Variants in RHEB observed in about 807,000 individuals in gnomAD.
The protein encoded by RHEB is Ras homolog, mTORC1 binding, also known as GTP-binding protein Rheb.
A neutral mutation model predicts 28.8 loss-of-function variants in RHEB; 2 were observed. That is an observed-to-expected ratio of 0.07 (90% CI 0.03 to 0.22). The LOEUF is 0.22. Ranked by LOEUF, RHEB falls within the 10% of genes least tolerant of loss-of-function variation. RHEB has a pLI of 1.00. For missense variants in RHEB, 76 were observed against 219.9 expected (o/e 0.35, Z 4.14); for synonymous variants, 69 against 77.3 (o/e 0.89, Z 0.56).
chr7:151,474,321 C>T (rs557140287), intron 4 of RHEB, among the ~76,000 whole-genome samples: 4 of 152,200 alleles, frequency 2.6e-5, no homozygotes, highest in Admixed American at 6.5e-5. Flanking sequence ...GCTGGGATTA[C>T]AGGCACCCGC....
chr7:151,487,682 T>G (rs1802504854), intron 2 of RHEB, among the ~76,000 whole-genome samples: 1 of 152,132 alleles, frequency 6.6e-6, no homozygotes, highest in Non-Finnish European at 1.5e-5. Flanking sequence ...TAATAAGAGA[T>G]AGGATAGACT....
intron 3 of RHEB, among the ~76,000 whole-genome samples, chr7:151,484,284 T>C (rs1033961842): frequency 6.6e-6 from 1 of 152,220 alleles, no homozygotes; most frequent in African/African-American, 2.4e-5. Context: ...GACTCTCTAA[T>C]ATAGAATTAA....
chr7:151,485,494 A>G (rs1342596499), intron 2 of RHEB, among the ~76,000 whole-genome samples: 5 of 152,220 alleles, frequency 3.3e-5, no homozygotes, highest in African/African-American at 9.6e-5. Context: ...GAAACAATGT[A>G]AAAATAACCA....
At chr7:151,516,609 T>G (rs1459727284) in intron 1 of RHEB, among the ~76,000 whole-genome samples, 2 of 106,610 alleles carry the variant, frequency 1.9e-5, no homozygotes, top group Non-Finnish European at 1.7e-5. Flanking sequence ...GGTGATAGAG[T>G]GAGACTCTGT....
chr7:151,482,889 G>A (rs1378704304), intron 3 of RHEB, among the ~76,000 whole-genome samples: 1 of 152,038 alleles, frequency 6.6e-6, no homozygotes, highest in African/African-American at 2.4e-5. Context: ...AATGAGCCTC[G>A]TCATCTGTGC....
chr7:151,467,060 G>A lies in RHEB; in HGVS notation c.*59C>T, dbSNP rs1802076255. On this transcript the variant is annotated 3_prime_UTR_variant, in exon 8 of 8. Transcript: ENST00000262187. ...AGCATAGTTTATCTTCAAGGAGAACGGGCAGTTTGCTTCTTCAGGTAGAAT... is the reference window on the plus strand; with the variant it reads ...AGCATAGTTTATCTTCAAGGAGAACAGGCAGTTTGCTTCTTCAGGTAGAAT... The A allele has an allele frequency of 8.3e-6, 10 of 1,208,306 alleles. No homozygotes were observed. The East Asian group carries it at 9.3e-5, about 11-fold the overall frequency. The allele number at this position is 1,208,306 out of a possible 1,614,324, so 74.8% of individuals were successfully genotyped here.
intron 1 of RHEB, among the ~76,000 whole-genome samples, chr7:151,501,486 C>T (rs1233515250): frequency 6.6e-6 from 1 of 152,172 alleles, no homozygotes; most frequent in Non-Finnish European, 1.5e-5. Context: ...TATACACTCA[C>T]CCATTGCCTG....
chr7:151,482,167 T>C (rs1445008612), intron 3 of RHEB, among the ~76,000 whole-genome samples: 2 of 152,236 alleles, frequency 1.3e-5, no homozygotes, highest in Admixed American at 6.5e-5. Flanking sequence ...ACAGCCTCTT[T>C]AACCCCAATG....
chr7:151,518,592 T>C (rs915061569), intron 1 of RHEB, among the ~76,000 whole-genome samples: 3 of 152,100 alleles, frequency 2.0e-5, no homozygotes, highest in Admixed American at 6.5e-5. Flanking sequence ...AGAAAACCGC[T>C]CGTTCTGTAA....
chr7:151,486,193 G>C (rs1288395912), intron 2 of RHEB, among the ~76,000 whole-genome samples: 1 of 152,188 alleles, frequency 6.6e-6, no homozygotes, highest in East Asian at 1.9e-4. Context: ...TTTCAGATTT[G>C]ATGAGAAGTA....
chr7:151,490,177 C>A (rs1364081825), intron 2 of RHEB, among the ~76,000 whole-genome samples: 4 of 152,150 alleles, frequency 2.6e-5, no homozygotes, highest in Non-Finnish European at 4.4e-5. Context: ...GTGTTGTATG[C>A]CTGTAGTTCC....
intron 4 of RHEB, among the ~76,000 whole-genome samples, chr7:151,475,762 T>C (rs1802260314): frequency 6.6e-6 from 1 of 152,320 alleles, no homozygotes; most frequent in African/African-American, 2.4e-5. Context: ...CCATCTATCA[T>C]TGAACATGAA....
intron 1 of RHEB, among the ~76,000 whole-genome samples, chr7:151,508,640 T>TC (rs1018706867): frequency 2.2e-4 from 33 of 151,900 alleles, no homozygotes; most frequent in South Asian, 1.5e-3. Context: ...TTTAGTTTTT[T>TC]TTTTTTTTTG....
chr7:151,516,591 C>T (rs920021061), intron 1 of RHEB, among the ~76,000 whole-genome samples: 1 of 145,184 alleles, frequency 6.9e-6, no homozygotes, highest in Non-Finnish European at 1.5e-5. Flanking sequence ...CCACTGCACT[C>T]CAGCCTGGGT....
chr7:151,483,436 G>A (rs185659381), intron 3 of RHEB, among the ~76,000 whole-genome samples: 57 of 152,026 alleles, frequency 3.7e-4, no homozygotes, highest in Middle Eastern at 3.4e-3. Context: ...TTGCAAGGGC[G>A]GGCCAGGCAT....
intron 3 of RHEB, among the ~76,000 whole-genome samples, chr7:151,481,549 C>A (rs1375609712): frequency 6.6e-6 from 1 of 152,200 alleles, no homozygotes; most frequent in African/African-American, 2.4e-5. Context: ...CAGTAAACAC[C>A]TGAGTTTGTT....
In RHEB at chr7:151,518,525, A is replaced by T. The variant is rs150360531; in HGVS notation, c.52+935T>A. Among the ~76,000 whole-genome samples, 60 of 152,244 alleles carry T rather than the reference A, an allele frequency of 3.9e-4. No individual in the cohort carries two copies. The East Asian group carries it at 0.011, about 27-fold the overall frequency. Reference sequence around the variant, plus strand: ...TCCAGGCTTCCGGATGTCGGGAGACAATACAGCCTCACCCTGAAGCGTGTC... The same window carrying T: ...TCCAGGCTTCCGGATGTCGGGAGACTATACAGCCTCACCCTGAAGCGTGTC... On this transcript the variant is annotated intron_variant, in intron 1 of 7. Coordinates refer to ENST00000262187, the MANE Select transcript of RHEB (RefSeq NM_005614.4).
In RHEB at chr7:151,517,369, GGA is replaced by G. The variant is rs1491111769; in HGVS notation, c.52+2089_52+2090del. Among the ~76,000 whole-genome samples, 196 of 52,064 alleles carry G rather than the reference GGA, an allele frequency of 3.8e-3. 3 individuals carry two copies. The highest frequency in any genetic ancestry group is 0.012 in the South Asian group (10 of 816). 34.2% of individuals were successfully genotyped at this position (52,064 alleles called of 152,430 possible). On this transcript the variant is annotated intron_variant, in intron 1 of 7. Coordinates refer to ENST00000262187, the MANE Select transcript of RHEB (RefSeq NM_005614.4). Reference sequence around the variant, plus strand: ...GGTCACAAGAGCGAAACTCCGTCTCGGAAAAAAAAAAAAAAAAAAATCAAATA... The same window carrying G: ...GGTCACAAGAGCGAAACTCCGTCTCGAAAAAAAAAAAAAAAAAATCAAATA...
chr7:151,467,941 T>C (rs1802095437), intron 7 of RHEB, among the ~76,000 whole-genome samples: 1 of 152,150 alleles, frequency 6.6e-6, no homozygotes. Flanking sequence ...GAGGTTTCTA[T>C]GTTGCCCAGG....
Sources: gnomAD v4.1 joint callset for allele counts (sites outside exome capture counted in the v4.1 genomes callset) on GRCh38, gnomAD v4.1.1 for gene constraint, MANE v1.5 for transcripts, NCBI Gene and HGNC (gene_info 2026-07-23, HGNC 2026-07-21) for gene names.